ANXA4: variants seen among roughly 807,000 people sequenced by gnomAD.
ANXA4 encodes the protein annexin A4, also known as 35-beta calcimedin.
ANXA4 carries 39 observed loss-of-function variants against 49.8 expected under a neutral mutation model. The ratio of observed to expected loss-of-function variants is 0.78; its 90% confidence interval spans 0.61 to 1.02. The LOEUF is 1.02. Ranked by LOEUF, ANXA4 falls within the 50% of genes least tolerant of loss-of-function variation. ANXA4 has a pLI of 0.00. For synonymous variants in ANXA4, 134 were observed against 152.5 expected (o/e 0.88, Z 0.89); for missense variants, 360 against 410.1 (o/e 0.88, Z 1.05).
rs1215995747 is a variant in ANXA4 at position 69,656,275 on chromosome 2, A to G, written n.766+2993A>G. On this transcript the variant is annotated intron_variant and non_coding_transcript_variant, in intron 2 of 3. Coordinates refer to the ANXA4 transcript ENST00000418066. Reference sequence around the variant, plus strand: ...TGTATATACGTATATATATGTATATACGTATATATATACATATATGTATAT... The same window carrying G: ...TGTATATACGTATATATATGTATATGCGTATATATATACATATATGTATAT... Among the ~76,000 whole-genome samples, 5 of 136,442 alleles carry G rather than the reference A, an allele frequency of 3.7e-5. 1 individual carries two copies. The highest frequency in any genetic ancestry group is 6.1e-5 in the Non-Finnish European group (4 of 65,848). 89.5% of individuals were successfully genotyped at this position (136,442 alleles called of 152,430 possible).
intron 1 of ANXA4, among the ~76,000 whole-genome samples, chr2:69,775,517 A>G (rs572128449): frequency 1.1e-4 from 16 of 152,348 alleles, no homozygotes; most frequent in African/African-American, 3.6e-4. Context: ...AGCAATCACC[A>G]TACATAGCAG....
At chr2:69,667,287 T>C (rs1676972965) in intron 2 of ANXA4, among the ~76,000 whole-genome samples, 1 of 151,926 alleles carries the variant, frequency 6.6e-6, no homozygotes, top group Admixed American at 6.6e-5. Flanking sequence ...CAAAAAACTA[T>C]TGAATTGTAC....
chr2:69,688,559 A>G (rs1677867615), intron 2 of ANXA4, among the ~76,000 whole-genome samples: 1 of 152,204 alleles, frequency 6.6e-6, no homozygotes, highest in South Asian at 2.1e-4. Flanking sequence ...CTTTTCAATG[A>G]TATGGTTACG....
At position 69,810,677 on chromosome 2, in the gene ANXA4, A is replaced by T. The variant is rs1421642263; in HGVS notation, c.477+4A>T. 6.2e-7 allele frequency: 1 copy of T among 1,612,678 alleles called. No homozygotes were observed. Among genetic ancestry groups the T allele is most frequent in the South Asian group, 1.1e-5 (1 of 91,050 alleles). On this transcript the variant is annotated splice_donor_region_variant and intron_variant, in intron 7 of 12. Coordinates refer to ENST00000394295, the MANE Select transcript of ANXA4 (RefSeq NM_001153.5). ...AGTGCTGGTGTCTCTGTCAGCTGTG[A>T]GTGACTGCTTCTGATGGGGGGCGGG...
intron 2 of ANXA4, among the ~76,000 whole-genome samples, chr2:69,674,915 G>GTTT (rs71397341): frequency 1.8e-4 from 21 of 115,456 alleles, no homozygotes; most frequent in African/African-American, 5.7e-4. Flanking sequence ...AACATAAACT[G>GTTT]TTTTTTTTTT....
intron 3 of ANXA4, among the ~76,000 whole-genome samples, chr2:69,795,101 G>A (rs1365655951): frequency 1.3e-5 from 2 of 152,202 alleles, no homozygotes; most frequent in Non-Finnish European, 2.9e-5. Flanking sequence ...ATTAAGGAGA[G>A]TCTTAGCATC....
intron 3 of ANXA4, among the ~76,000 whole-genome samples, chr2:69,723,177 C>T (rs1045735741): frequency 1.6e-5 from 2 of 122,646 alleles, no homozygotes; most frequent in African/African-American, 6.0e-5. Flanking sequence ...GGCGACAGAG[C>T]AAGACTGTCT....
At chr2:69,665,810 G>C (rs1451379603) in intron 2 of ANXA4, among the ~76,000 whole-genome samples, 1 of 152,104 alleles carries the variant, frequency 6.6e-6, no homozygotes, top group Non-Finnish European at 1.5e-5. Flanking sequence ...CACAGAATGG[G>C]GGAAAGCATG....
At chr2:69,766,510 A>G (rs1286701555) in intron 1 of ANXA4, among the ~76,000 whole-genome samples, 1 of 152,204 alleles carries the variant, frequency 6.6e-6, no homozygotes, top group Non-Finnish European at 1.5e-5. Context: ...TTATAAACCC[A>G]GGTGGTTGTG....
chr2:69,703,966 A>AAAG (rs1184251919), intron 2 of ANXA4, among the ~76,000 whole-genome samples: 1 of 152,062 alleles, frequency 6.6e-6, no homozygotes, highest in Non-Finnish European at 1.5e-5. Context: ...TTGTAACTTC[A>AAAG]AAATGTATTT....
intron 1 of ANXA4, among the ~76,000 whole-genome samples, chr2:69,756,874 G>T (rs1288691121): frequency 6.7e-6 from 1 of 150,002 alleles, no homozygotes; most frequent in Non-Finnish European, 1.5e-5. Flanking sequence ...AAGAATACAA[G>T]TTTTAAAAAA....
chr2:69,744,448 ATACCTTTTAAATC>A (rs1184021809), intron 1 of ANXA4, among the ~76,000 whole-genome samples: 1 of 152,258 alleles, frequency 6.6e-6, no homozygotes, highest in East Asian at 1.9e-4. Context: ...CAAAAATTGT[ATACCTTTTAAATC>A]TAAAACAAGA....
chr2:69,676,270 T>A (rs142699796), intron 2 of ANXA4, among the ~76,000 whole-genome samples: 33 of 152,132 alleles, frequency 2.2e-4, no homozygotes, highest in African/African-American at 7.9e-4. Context: ...AAATAAAAAT[T>A]AAACTAAACA....
chr2:69,789,348 G>T (rs893928575), intron 3 of ANXA4, among the ~76,000 whole-genome samples: 5 of 152,170 alleles, frequency 3.3e-5, no homozygotes, highest in African/African-American at 1.2e-4. Flanking sequence ...GGGGTCATCA[G>T]CACTAAGTCC....
intron 1 of ANXA4, among the ~76,000 whole-genome samples, chr2:69,649,212 G>A (rs1676130911): frequency 6.6e-6 from 1 of 151,988 alleles, no homozygotes; most frequent in African/African-American, 2.4e-5. Flanking sequence ...ACTGAGCCTT[G>A]TCTTCTTATT....
intron 1 of ANXA4, among the ~76,000 whole-genome samples, chr2:69,750,118 TAAAA>T (rs946933376): frequency 6.6e-6 from 1 of 151,704 alleles, no homozygotes; most frequent in Non-Finnish European, 1.5e-5. Context: ...ACCAATTAAT[TAAAA>T]AAAAATAGTG....
upstream of ANXA4, among the ~76,000 whole-genome samples, chr2:69,740,444 GTTTTGT>G (rs538553116): frequency 5.9e-4 from 89 of 151,418 alleles, no homozygotes; most frequent in African/African-American, 2.1e-3. Flanking sequence ...TTTTTGTTTT[GTTTTGT>G]TTTTGTTTTT....
chr2:69,825,402 C>T, intron 12 of ANXA4, 54 bp from the exon 13 acceptor site: 1 of 1,467,428 alleles, frequency 6.8e-7, no homozygotes, highest in Non-Finnish European at 9.4e-7. Context: ...TGACTTTGAA[C>T]TGTGTGTTTC....
chr2:69,681,366 A>ATTTTTTTTTTTTTTTTTTTTTTTTGT (rs35246948), intron 2 of ANXA4, among the ~76,000 whole-genome samples: 1 of 139,234 alleles, frequency 7.2e-6, no homozygotes. Flanking sequence ...TTCATTTCTG[A>ATTTTTTTTTTTTTTTTTTTTTTTTGT]TTTTTTTTTT....
Sources: allele counts gnomAD v4.1 joint callset (sites outside exome capture counted in the v4.1 genomes callset), GRCh38; gene constraint gnomAD v4.1.1; transcripts MANE v1.5; gene names NCBI Gene and HGNC (gene_info 2026-07-23, HGNC 2026-07-21).